Variants in USP34 observed in about 807,000 individuals in gnomAD.
USP34 encodes ubiquitin specific peptidase 34.
In USP34, 70 loss-of-function variants were observed where a neutral mutation model predicts 460.3. That is an observed-to-expected ratio of 0.15 (90% CI 0.13 to 0.19). The LOEUF (loss-of-function observed/expected upper bound fraction) is 0.19, where lower values mean the gene tolerates loss of function less well. USP34 is among the 10% of genes least tolerant of loss of function. USP34 has a pLI of 1.00. For missense variants in USP34, 3,985 were observed against 4,236.2 expected (o/e 0.94, Z 1.65); for synonymous variants, 1,647 against 1,405.3 (o/e 1.17, Z -3.85).
intron 1 of USP34, among the ~76,000 whole-genome samples, chr2:61,461,364 C>G (rs1695594960): frequency 6.6e-6 from 1 of 151,356 alleles, no homozygotes; most frequent in East Asian, 1.9e-4. Flanking sequence ...TTGCACTCCA[C>G]CCTAGTGAAC....
intron 2 of USP34, among the ~76,000 whole-genome samples, chr2:61,410,142 C>T (rs1374535945): frequency 2.0e-5 from 3 of 152,004 alleles, no homozygotes; most frequent in South Asian, 2.1e-4. Context: ...CTATTGTGCA[C>T]GTTATAGTAT....
chr2:61,370,692 T>C, intron 8 of USP34, 113 bp from the exon 9 acceptor site: 1 of 818,758 alleles, frequency 1.2e-6, no homozygotes. Flanking sequence ...TTATAAAGAA[T>C]TAGATACAAT....
intron 1 of USP34, among the ~76,000 whole-genome samples, chr2:61,462,618 T>C (rs1006752953): frequency 8.6e-5 from 13 of 151,284 alleles, no homozygotes; most frequent in Non-Finnish European, 1.8e-4. Context: ...CCCAGCACTC[T>C]GGGAGGCTGA....
chr2:61,378,928 A>C (rs1692883689), intron 7 of USP34, among the ~76,000 whole-genome samples: 4 of 149,098 alleles, frequency 2.7e-5, no homozygotes, highest in African/African-American at 4.9e-5. Flanking sequence ...AAAAAAAAAA[A>C]AAAAAAAAAC....
chr2:61,246,193 T>C (rs912341385), intron 50 of USP34, 131 bp downstream of exon 50: 1 of 591,942 alleles, frequency 1.7e-6, no homozygotes. Flanking sequence ...TGTTGAAAGT[T>C]ATCTTCATTT....
In USP34 at chr2:61,214,586, T is replaced by A; in HGVS notation, c.8156A>T (p.Asp2719Val). The A allele has an allele frequency of 6.2e-7, 1 of 1,614,038 alleles. No individual in the cohort carries two copies. The highest frequency in any genetic ancestry group is 8.5e-7 in the Non-Finnish European group (1 of 1,179,950). The stretch of plus-strand genomic sequence containing the variant: ...GACCTGATGTAGGACTACTGTTGTG[T>A]CTGGACTGAGTGGAAGGTCACGGGT... ...IPTRDLPLSP[D>V]TTVVLHQVYN... is the part of the protein sequence containing the mutation. Residue 2719 changes from aspartate (D) to valine (V), a missense_variant, in exon 68 of 80, where the codon GAC (aspartate) becomes GTC (valine). By Grantham distance (152) the Asp-to-Val change is radical. Transcript: ENST00000398571.
intron 1 of USP34, among the ~76,000 whole-genome samples, chr2:61,467,924 G>T (rs1390711402): frequency 6.6e-6 from 1 of 151,704 alleles, no homozygotes; most frequent in African/African-American, 2.4e-5. Flanking sequence ...AGAGTTGCCC[G>T]GCCAACTCTG....
intron 10 of USP34, 140 bp from the exon 11 acceptor site, chr2:61,350,833 T>C: frequency 1.3e-6 from 1 of 792,868 alleles, no homozygotes; most frequent in Admixed American, 3.1e-5. Context: ...GCTAATTATC[T>C]AAGATGATGA....
At chr2:61,271,156 C>G (rs1255589698) in intron 41 of USP34, among the ~76,000 whole-genome samples, 1 of 152,068 alleles carries the variant, frequency 6.6e-6, no homozygotes, top group Admixed American at 6.6e-5. Flanking sequence ...AAAAATTTAG[C>G]TGGGTGTGGT....
intron 10 of USP34, among the ~76,000 whole-genome samples, chr2:61,369,311 T>A (rs539225893): frequency 6.6e-6 from 1 of 152,136 alleles, no homozygotes; most frequent in Admixed American, 6.5e-5. Flanking sequence ...ATGAAATGAA[T>A]GTGTTAGAAG....
chr2:61,406,714 A>T (rs1407647607), intron 2 of USP34, among the ~76,000 whole-genome samples: 2 of 151,846 alleles, frequency 1.3e-5, no homozygotes, highest in Non-Finnish European at 2.9e-5. Flanking sequence ...AAAAAAAAAA[A>T]AAAATATTGG....
chr2:61,369,895 C>T (rs1692562088), intron 10 of USP34, among the ~76,000 whole-genome samples: 1 of 148,468 alleles, frequency 6.7e-6, no homozygotes, highest in Admixed American at 6.8e-5. Flanking sequence ...TAACTGCATG[C>T]TTGAGAGATG....
In USP34 at chr2:61,295,153, T is replaced by C; in HGVS notation, c.4377+15A>G. The C allele has an allele frequency of 6.2e-7, 1 of 1,602,308 alleles. No homozygotes were observed. The highest frequency in any genetic ancestry group is 8.5e-7 in the Non-Finnish European group (1 of 1,176,834). On this transcript the variant is annotated intron_variant, in intron 31 of 79. Transcript: ENST00000398571. ...GAATACAAACATTTAATGATAATAA[T>C]GGAAATGCAATTACCGTAGACTCCC... is the stretch of plus-strand genomic sequence containing the variant.
intron 48 of USP34, 98 bp from the exon 49 acceptor site, chr2:61,248,781 G>A: frequency 1.7e-6 from 2 of 1,167,668 alleles, no homozygotes; most frequent in Non-Finnish European, 1.2e-6. Context: ...TTTCAACTCA[G>A]AGTTAAGAAG....
chr2:61,326,115 A>G (rs773982262), intron 20 of USP34, among the ~76,000 whole-genome samples: 12 of 152,094 alleles, frequency 7.9e-5, no homozygotes, highest in Non-Finnish European at 1.6e-4. Context: ...AAGAGATAGA[A>G]AAGGAAGTCA....
intron 1 of USP34, among the ~76,000 whole-genome samples, chr2:61,451,812 T>C (rs1695285914): frequency 6.6e-6 from 1 of 152,134 alleles, no homozygotes; most frequent in Admixed American, 6.6e-5. Context: ...TCCTACTTCA[T>C]ACTTGATACC....
intron 15 of USP34, among the ~76,000 whole-genome samples, chr2:61,345,694 G>A (rs1209253010): frequency 2.6e-5 from 4 of 152,154 alleles, no homozygotes; most frequent in African/African-American, 9.7e-5. Flanking sequence ...AAGTGTAGTG[G>A]TGCAATCACC....
At chr2:61,294,440 C>G (rs757020162) in intron 32 of USP34, among the ~76,000 whole-genome samples, 1 of 151,974 alleles carries the variant, frequency 6.6e-6, no homozygotes, top group African/African-American at 2.4e-5. Flanking sequence ...GATGTCCTCA[C>G]AGTATCTTTT....
chr2:61,307,190 T>C (rs1029411687), intron 27 of USP34, among the ~76,000 whole-genome samples: 23 of 151,730 alleles, frequency 1.5e-4, no homozygotes, highest in African/African-American at 5.6e-4. Flanking sequence ...CTGGAAACCA[T>C]CATTCTCAGC....
Sources: allele counts gnomAD v4.1 joint callset (sites outside exome capture counted in the v4.1 genomes callset), GRCh38; gene constraint gnomAD v4.1.1; transcripts MANE v1.5; gene names NCBI Gene and HGNC (gene_info 2026-07-23, HGNC 2026-07-21).